CNTN4: variants seen among roughly 807,000 people sequenced by gnomAD.
The protein encoded by CNTN4 is contactin 4, also known as contactin-4.
In CNTN4, 77 loss-of-function variants were observed where a neutral mutation model predicts 122.5. The observed-to-expected ratio is 0.63, with a 90% confidence interval of 0.52 to 0.76. CNTN4 has a LOEUF of 0.76. Among genes scored for constraint, CNTN4 ranks in the 30% least tolerant of loss-of-function variants. The pLI is 0.00. For missense variants in CNTN4, 1,256 were observed against 1,259.1 expected (o/e 1.00, Z 0.04); for synonymous variants, 512 against 447.0 (o/e 1.15, Z -1.83).
At chr3:3,041,838 T>G (rs1262845108) in intron 20 of CNTN4, among the ~76,000 whole-genome samples, 1 of 152,160 alleles carries the variant, frequency 6.6e-6, no homozygotes, top group Non-Finnish European at 1.5e-5. Flanking sequence ...CATGTGTGTG[T>G]GGTCCCAGCT....
At chr3:2,210,085 G>C (rs535704036) in intron 2 of CNTN4, among the ~76,000 whole-genome samples, 1 of 152,076 alleles carries the variant, frequency 6.6e-6, no homozygotes, top group South Asian at 2.1e-4. Flanking sequence ...TGTAAGATAT[G>C]TATGTCCCTG....
At chr3:2,491,620 A>G (rs1013817340) in intron 3 of CNTN4, among the ~76,000 whole-genome samples, 7 of 152,182 alleles carry the variant, frequency 4.6e-5, no homozygotes, top group Admixed American at 1.3e-4. Flanking sequence ...TGCAAAAATC[A>G]TTTTCAAACT....
intron 2 of CNTN4, among the ~76,000 whole-genome samples, chr3:2,249,592 C>G (rs981235074): frequency 6.6e-6 from 1 of 151,590 alleles, no homozygotes; most frequent in Non-Finnish European, 1.5e-5. Context: ...ACAGGAAGCA[C>G]AAAGAGAGAA....
chr3:2,512,018 A>G (rs2149079125), intron 3 of CNTN4, among the ~76,000 whole-genome samples: 1 of 152,338 alleles, frequency 6.6e-6, no homozygotes, highest in South Asian at 2.1e-4. Flanking sequence ...TGGCCATTGC[A>G]AGAAAAATGT....
intron 2 of CNTN4, among the ~76,000 whole-genome samples, chr3:2,239,260 CAG>C (rs1308434801): frequency 6.6e-6 from 1 of 152,102 alleles, no homozygotes; most frequent in Non-Finnish European, 1.5e-5. Flanking sequence ...TGTGGCATTA[CAG>C]AGTTTGATTT....
chr3:2,931,233 C>T (rs552873142), intron 13 of CNTN4, among the ~76,000 whole-genome samples: 3 of 152,074 alleles, frequency 2.0e-5, no homozygotes, highest in African/African-American at 7.2e-5. Flanking sequence ...GGGTGATATA[C>T]GGACTATTAA....
At chr3:2,445,010 A>G (rs1352741328) in intron 3 of CNTN4, among the ~76,000 whole-genome samples, 2 of 151,398 alleles carry the variant, frequency 1.3e-5, no homozygotes, top group Non-Finnish European at 2.9e-5. Context: ...AAAAAAAAAA[A>G]AAATCTATCT....
chr3:2,976,932 T>G (rs1693472338), intron 13 of CNTN4, among the ~76,000 whole-genome samples: 2 of 152,056 alleles, frequency 1.3e-5, no homozygotes, highest in Non-Finnish European at 2.9e-5. Context: ...GTCTATAGCA[T>G]ACAGCCTACC....
chr3:2,198,480 G>A (rs906593029), intron 2 of CNTN4, among the ~76,000 whole-genome samples: 8 of 152,132 alleles, frequency 5.3e-5, no homozygotes, highest in African/African-American at 1.7e-4. Flanking sequence ...TTTACTTATG[G>A]TTGTGAAATC....
At chr3:2,197,106 A>G (rs75197239) in intron 2 of CNTN4, among the ~76,000 whole-genome samples, 2,101 of 151,682 alleles carry the variant, frequency 0.014, 23 homozygotes, top group Middle Eastern at 0.052. Context: ...GAACTATTTC[A>G]TTAGCAAATC....
intron 6 of CNTN4, among the ~76,000 whole-genome samples, chr3:2,798,799 C>G (rs1420854323): frequency 6.6e-6 from 1 of 152,216 alleles, no homozygotes. Context: ...GTGTTAGCCA[C>G]TGCACCCAGC....
chr3:2,685,716 G>A (rs560763177), intron 4 of CNTN4, among the ~76,000 whole-genome samples: 17 of 152,180 alleles, frequency 1.1e-4, no homozygotes, highest in Non-Finnish European at 1.9e-4. Flanking sequence ...TCTTGTTGAA[G>A]CATGACACTT....
intron 2 of CNTN4, among the ~76,000 whole-genome samples, chr3:2,233,193 A>G (rs1193824970): frequency 3.3e-5 from 5 of 152,266 alleles, no homozygotes; most frequent in Non-Finnish European, 5.9e-5. Flanking sequence ...AAGAGAAGCT[A>G]ATAATTGATG....
chr3:2,449,251 C>A (rs1333254423), intron 3 of CNTN4, among the ~76,000 whole-genome samples: 2 of 152,156 alleles, frequency 1.3e-5, no homozygotes, highest in African/African-American at 2.4e-5. Context: ...GGTAAGTCAT[C>A]TATTAATGGG....
intron 3 of CNTN4, among the ~76,000 whole-genome samples, chr3:2,536,632 T>C (rs1226059000): frequency 6.6e-6 from 1 of 151,560 alleles, no homozygotes; most frequent in Non-Finnish European, 1.5e-5. Context: ...CTTTATTTCC[T>C]AGGCTGGTCT....
chr3:2,741,645 C>T (rs2089463413), intron 5 of CNTN4, among the ~76,000 whole-genome samples: 1 of 152,190 alleles, frequency 6.6e-6, no homozygotes, highest in Admixed American at 6.5e-5. Context: ...GTAAAGAATG[C>T]AGGAAGCAAC....
At chr3:2,995,488 C>T (rs1695452661) in intron 14 of CNTN4, among the ~76,000 whole-genome samples, 1 of 152,208 alleles carries the variant, frequency 6.6e-6, no homozygotes, top group Admixed American at 6.5e-5. Flanking sequence ...ATCACTTCTC[C>T]ATCCTTGGTC....
intron 4 of CNTN4, among the ~76,000 whole-genome samples, chr3:2,684,528 A>C (rs1408188044): frequency 6.6e-6 from 1 of 152,174 alleles, no homozygotes; most frequent in Non-Finnish European, 1.5e-5. Context: ...TGCTGGACCC[A>C]TGCATTTGAA....
chr3:2,102,000 A>G (rs564764053), intron 2 of CNTN4, among the ~76,000 whole-genome samples: 1 of 152,362 alleles, frequency 6.6e-6, no homozygotes, highest in East Asian at 1.9e-4. Flanking sequence ...TAACAAATAG[A>G]TTAAGCACAC....
Sources: allele counts gnomAD v4.1 joint callset (sites outside exome capture counted in the v4.1 genomes callset), GRCh38; gene constraint gnomAD v4.1.1; transcripts MANE v1.5; gene names NCBI Gene and HGNC (gene_info 2026-07-23, HGNC 2026-07-21).